Variants in INPP5D observed in about 807,000 individuals in gnomAD.
INPP5D encodes phosphatidylinositol 3,4,5-trisphosphate 5-phosphatase 1.
INPP5D carries 33 observed loss-of-function variants against 122.9 expected under a neutral mutation model. The observed-to-expected ratio is 0.27, with a 90% CI of 0.20 to 0.36. The LOEUF is 0.36. INPP5D is among the 10% of genes least tolerant of loss of function. INPP5D has a pLI of 1.00. For missense variants in INPP5D, 1,053 were observed against 1,412.7 expected (o/e 0.75, Z 4.08); for synonymous variants, 584 against 576.2 (o/e 1.01, Z -0.19).
rs1363541262 is a variant in INPP5D, at chr2:233,100,175, T to C, written c.198+20777T>C. Among the ~76,000 whole-genome samples, 1 of 152,202 alleles carries C rather than the reference T, an allele frequency of 6.6e-6. No individual in the cohort carries two copies. The highest frequency in any genetic ancestry group is 2.4e-5 in the African/African-American group (1 of 41,456). ...TCCCTTTCAATGGGGCAGTTCTCTT[T>C]GATGTGTCACCATCCCCACCTCGCC... On this transcript the variant is annotated intron_variant, in intron 2 of 26. Coordinates refer to ENST00000445964, the MANE Select transcript of INPP5D (RefSeq NM_001017915.3). The surrounding 1 kb of genome is among the most constrained non-coding windows in gnomAD (Gnocchi z 5.3).
In INPP5D at chr2:233,171,160, C is replaced by G. The variant is rs1244516909; in HGVS notation, c.1989+8C>G. On this transcript the variant is annotated splice_region_variant and intron_variant, in intron 17 of 26. Coordinates refer to ENST00000445964, the MANE Select transcript of INPP5D (RefSeq NM_001017915.3). The stretch of plus-strand genomic sequence containing the variant: ...AAGCAGAAAGCGACAGGGGTGAGTC[C>G]TCTTCATAGACACCTTCCCTGCCCT... 1 of 1,613,314 alleles carries G rather than the reference C, an allele frequency of 6.2e-7. No homozygotes were observed. The highest frequency in any genetic ancestry group is 8.5e-7 in the Non-Finnish European group (1 of 1,179,724).
At chr2:233,159,028 C>T (rs1053123160) in intron 10 of INPP5D, among the ~76,000 whole-genome samples, 2 of 152,160 alleles carry the variant, frequency 1.3e-5, no homozygotes, top group Admixed American at 6.5e-5. Context: ...GCAATCTTCC[C>T]GCCTCTGTCA....
At chr2:233,072,570 G>T (rs1167125380) in intron 1 of INPP5D, among the ~76,000 whole-genome samples, 2 of 152,158 alleles carry the variant, frequency 1.3e-5, no homozygotes, top group East Asian at 1.9e-4. Context: ...CTTAAAAAAA[G>T]TTGGTAAAGC....
chr2:233,149,654 A>G (rs564347269), intron 9 of INPP5D, among the ~76,000 whole-genome samples: 16 of 152,224 alleles, frequency 1.1e-4, no homozygotes, highest in African/African-American at 2.9e-4. Context: ...AGGATGCCAT[A>G]TTTTGCAATA....
chr2:233,182,797 G>T (rs1694816627), intron 19 of INPP5D, among the ~76,000 whole-genome samples: 1 of 152,134 alleles, frequency 6.6e-6, no homozygotes, highest in South Asian at 2.1e-4. Flanking sequence ...TTCTCCGGGT[G>T]GGATGGGAGG....
In INPP5D at chr2:233,207,333, A is replaced by T. The variant is rs545912431; in HGVS notation, c.*625A>T. ...AGGGTACAAGAAGCCTGTTCTGTCC[A>T]GCTTCAGTGACACAAGCTGCTTTAG... On this transcript the variant is annotated 3_prime_UTR_variant, in exon 27 of 27. Transcript: ENST00000445964. The surrounding 1 kb of genome is among the most constrained non-coding windows in gnomAD (Gnocchi z 4.6). 1 of 152,936 alleles carries T rather than the reference A, an allele frequency of 6.5e-6. No individual in the cohort carries two copies. The highest frequency in any genetic ancestry group is 1.5e-5 in the Non-Finnish European group (1 of 68,062). The allele number at this position is 152,936 out of a possible 1,614,324, so 9.5% of individuals were successfully genotyped here.
At chr2:233,064,616 G>A (rs1270639417) in intron 1 of INPP5D, among the ~76,000 whole-genome samples, 2 of 152,210 alleles carry the variant, frequency 1.3e-5, no homozygotes, top group Non-Finnish European at 1.5e-5. Flanking sequence ...GGTGCAGAGC[G>A]GTTTATGGAA....
At chr2:233,108,647 C>T (rs758727099) in intron 2 of INPP5D, among the ~76,000 whole-genome samples, 1 of 152,230 alleles carries the variant, frequency 6.6e-6, no homozygotes, top group Non-Finnish European at 1.5e-5. Context: ...GATGTGCCAG[C>T]TCAAATTCCC....
At chr2:233,126,646 G>A (rs1309648492) in intron 4 of INPP5D, among the ~76,000 whole-genome samples, 2 of 152,088 alleles carry the variant, frequency 1.3e-5, no homozygotes, top group Non-Finnish European at 2.9e-5. Flanking sequence ...TAGGCCAGAC[G>A]CGGTGGCTCA....
intron 13 of INPP5D, among the ~76,000 whole-genome samples, chr2:233,166,428 C>T (rs1694342106): frequency 6.6e-6 from 1 of 152,196 alleles, no homozygotes; most frequent in South Asian, 2.1e-4. Context: ...AGGGAGTGCA[C>T]TGGCGAAGGA....
chr2:233,060,452 G>T lies in INPP5D; in HGVS notation c.-27G>T. 2 of 1,573,026 alleles carry T rather than the reference G, an allele frequency of 1.3e-6. No individual in the cohort carries two copies. Among genetic ancestry groups the T allele is most frequent in the Non-Finnish European group, 1.7e-6 (2 of 1,157,790 alleles). The stretch of plus-strand genomic sequence containing the variant: ...GTGTGGGTCCTGGGGGTGCCTGCCG[G>T]CCCGGCCGAGGAGGCCCACGCCCAC... On this transcript the variant is annotated 5_prime_UTR_variant, in exon 1 of 27. Coordinates refer to ENST00000445964, the MANE Select transcript of INPP5D (RefSeq NM_001017915.3).
chr2:233,197,980 A>G lies in INPP5D; in HGVS notation c.2694-115A>G, dbSNP rs1015913712. The G allele has an allele frequency of 7.3e-7, 1 of 1,373,158 alleles. No homozygotes were observed. The highest frequency in any genetic ancestry group is 9.6e-7 in the Non-Finnish European group (1 of 1,046,174). The allele number at this position is 1,373,158 out of a possible 1,614,324, so 85.1% of individuals were successfully genotyped here. A position where few individuals can be genotyped will look rare whatever the true frequency, so the allele number is the denominator to read the frequency against. On this transcript the variant is annotated intron_variant, in intron 24 of 26. Coordinates refer to ENST00000445964, the MANE Select transcript of INPP5D (RefSeq NM_001017915.3). This position sits in a 1 kb window ranked among gnomAD's most constrained non-coding sequence, Gnocchi z 4.4. ...TGGATCACTGCCCAAGAGGTGAAGGAGTTGAGGAGAGCTCGAGAGAGCCCT... is the reference window on the plus strand; with the variant it reads ...TGGATCACTGCCCAAGAGGTGAAGGGGTTGAGGAGAGCTCGAGAGAGCCCT...
chr2:233,091,577 G>A (rs180724947), intron 2 of INPP5D, among the ~76,000 whole-genome samples: 1 of 152,130 alleles, frequency 6.6e-6, no homozygotes, highest in East Asian at 1.9e-4. Flanking sequence ...TCATAATGCC[G>A]TTTCTAGGGC....
chr2:233,170,763 G>A lies in INPP5D; in HGVS notation c.1900+159G>A, dbSNP rs1360460163. Reference sequence around the variant, plus strand: ...CTTAAAAAAATACAAAAAATTAGCCGGGTGTGGTGGCGGGTGCCTGTAGTC... The same window carrying A: ...CTTAAAAAAATACAAAAAATTAGCCAGGTGTGGTGGCGGGTGCCTGTAGTC... On this transcript the variant is annotated intron_variant, in intron 16 of 26. Transcript: ENST00000445964. The surrounding 1 kb of genome is among the most constrained non-coding windows in gnomAD (Gnocchi z 4.5). 3.3e-5 allele frequency among the ~76,000 whole-genome samples: 5 copies of A among 151,884 alleles called. No homozygotes were observed. Among genetic ancestry groups the A allele is most frequent in the African/African-American group, 7.3e-5 (3 of 41,340 alleles).
chr2:233,070,026 G>A (rs1372656162), intron 1 of INPP5D, among the ~76,000 whole-genome samples: 1 of 152,164 alleles, frequency 6.6e-6, no homozygotes, highest in East Asian at 1.9e-4. Context: ...TACATTGCAA[G>A]GTGAAGGTGG....
At chr2:233,102,724 C>G (rs1422898651) in intron 2 of INPP5D, among the ~76,000 whole-genome samples, 1 of 150,462 alleles carries the variant, frequency 6.6e-6, no homozygotes. Flanking sequence ...GTGGCGGGCG[C>G]CTGTAGTCCC....
At chr2:233,144,651 T>TAGG (rs1461891256) in intron 6 of INPP5D, among the ~76,000 whole-genome samples, 1 of 62,386 alleles carries the variant, frequency 1.6e-5, no homozygotes, top group African/African-American at 4.1e-5. Flanking sequence ...GTGGGAGTGA[T>TAGG]GGGGTAGAGA....
intron 3 of INPP5D, among the ~76,000 whole-genome samples, chr2:233,125,204 A>G (rs940326286): frequency 1.3e-5 from 2 of 152,150 alleles, no homozygotes; most frequent in African/African-American, 4.8e-5. Flanking sequence ...GCTTTCTTTT[A>G]TGTGTTTCTG....
chr2:233,142,249 G>A (rs1693649215), intron 6 of INPP5D, among the ~76,000 whole-genome samples: 1 of 152,202 alleles, frequency 6.6e-6, no homozygotes, highest in Non-Finnish European at 1.5e-5. Context: ...CCTGAGTCTT[G>A]AAGAAAAACA....
Sources: allele counts gnomAD v4.1 joint callset (sites outside exome capture counted in the v4.1 genomes callset), GRCh38; gene constraint gnomAD v4.1.1; non-coding constraint Gnocchi (gnomAD v3.1); transcripts MANE v1.5; gene names NCBI Gene and HGNC (gene_info 2026-07-23, HGNC 2026-07-21).